RXRG: variants seen among roughly 807,000 people sequenced by gnomAD.
RXRG encodes the protein retinoid X receptor gamma.
Under a neutral mutation model 49.2 loss-of-function variants are expected in RXRG, and 19 were observed. The observed-to-expected ratio is 0.39, with a 90% CI of 0.27 to 0.57. The LOEUF is 0.57. Ranked by LOEUF, RXRG falls within the 20% of genes least tolerant of loss-of-function variation. RXRG has a pLI of 0.64. For missense variants in RXRG, 452 were observed against 592.5 expected (o/e 0.76, Z 2.46); for synonymous variants, 224 against 216.6 (o/e 1.03, Z -0.30).
At chr1:165,412,167 G>A (rs1204743577) in intron 4 of RXRG, among the ~76,000 whole-genome samples, 8 of 152,098 alleles carry the variant, frequency 5.3e-5, no homozygotes, top group East Asian at 3.9e-4. Flanking sequence ...GACTGGAATC[G>A]CAATGCCGAA....
intron 1 of RXRG, among the ~76,000 whole-genome samples, chr1:165,433,371 T>C (rs1385345082): frequency 6.6e-6 from 1 of 152,186 alleles, no homozygotes; most frequent in Non-Finnish European, 1.5e-5. Context: ...CAATTCACTC[T>C]GTGGCATGAC....
chr1:165,437,536 C>G (rs1658852667), intron 1 of RXRG, among the ~76,000 whole-genome samples: 1 of 152,118 alleles, frequency 6.6e-6, no homozygotes, highest in Non-Finnish European at 1.5e-5. Flanking sequence ...AGAAGACAAT[C>G]TATAGAGATT....
chr1:165,408,460 G>T (rs1028067165), intron 7 of RXRG, 142 bp from the exon 8 acceptor site: 7 of 635,642 alleles, frequency 1.1e-5, no homozygotes, highest in East Asian at 2.7e-5. Flanking sequence ...AAATGAAAAA[G>T]ATGCAACCCC....
chr1:165,406,650 G>T (rs535358565), intron 9 of RXRG, among the ~76,000 whole-genome samples, 162 bp downstream of exon 9: 3 of 152,310 alleles, frequency 2.0e-5, no homozygotes, highest in East Asian at 1.9e-4. Flanking sequence ...AGATAAGGCC[G>T]CTAGCCCAAT....
chr1:165,405,847 C>T (rs1214020865), intron 9 of RXRG, among the ~76,000 whole-genome samples: 1 of 152,230 alleles, frequency 6.6e-6, no homozygotes, highest in Non-Finnish European at 1.5e-5. Context: ...AATTCATCCA[C>T]AGCCTCCAAC....
chr1:165,415,124 T>C lies in RXRG; in HGVS notation c.622+1917A>G, dbSNP rs544545762. On this transcript the variant is annotated intron_variant, in intron 4 of 9. Transcript: ENST00000359842. ...GTGGCTGGTGCAATTTTAGATGATA[T>C]AACCAGGCAAGGCTTTACCAAGAAA... Among the ~76,000 whole-genome samples the C allele has an allele frequency of 2.0e-5, 3 of 152,038 alleles. No homozygotes were observed. The South Asian group carries it at 6.2e-4, about 32-fold the overall frequency.
chr1:165,404,864 T>G (rs1657695600), intron 9 of RXRG, among the ~76,000 whole-genome samples: 2 of 152,156 alleles, frequency 1.3e-5, no homozygotes, highest in Non-Finnish European at 2.9e-5. Context: ...GTTCAAGCGA[T>G]TCTCCTACCT....
chr1:165,404,421 C>T (rs1657678950), intron 9 of RXRG, among the ~76,000 whole-genome samples: 1 of 152,192 alleles, frequency 6.6e-6, no homozygotes, highest in African/African-American at 2.4e-5. Context: ...GAGTCAAGTT[C>T]CAAAGTTTTC....
intron 9 of RXRG, among the ~76,000 whole-genome samples, chr1:165,406,430 G>T (rs749756294): frequency 2.6e-5 from 4 of 152,242 alleles, no homozygotes; most frequent in Admixed American, 6.5e-5. Context: ...CACACGAACA[G>T]GGTTCACATC....
rs1280711540 is a variant in RXRG at position 165,409,702 on chromosome 1, A to C, written c.914-12T>G. On this transcript the variant is annotated splice_polypyrimidine_tract_variant and intron_variant, in intron 6 of 9. Coordinates refer to ENST00000359842, the MANE Select transcript of RXRG (RefSeq NM_006917.5). ...CAATTCATTCCACCCTGCAAGGATAAGGAGGAGGTCTTGAGGGAAAACAGA... is the reference window on the plus strand; with the variant it reads ...CAATTCATTCCACCCTGCAAGGATACGGAGGAGGTCTTGAGGGAAAACAGA... 1.3e-6 allele frequency: 2 copies of C among 1,482,202 alleles called. No homozygotes were observed. The highest frequency in any genetic ancestry group is 5.1e-5 in the East Asian group (2 of 39,442). 91.8% of individuals were successfully genotyped at this position (1,482,202 alleles called of 1,614,324 possible).
intron 9 of RXRG, among the ~76,000 whole-genome samples, chr1:165,403,659 G>A (rs1009543391): frequency 3.9e-5 from 6 of 152,216 alleles, no homozygotes; most frequent in Non-Finnish European, 7.3e-5. Flanking sequence ...TAAGGAGGCT[G>A]AACTCCCGGC....
intron 2 of RXRG, among the ~76,000 whole-genome samples, chr1:165,420,281 T>C (rs1658268651): frequency 6.6e-6 from 1 of 152,182 alleles, no homozygotes; most frequent in South Asian, 2.1e-4. Context: ...TTTTATTCAT[T>C]TTACTCATAT....
chr1:165,415,590 G>A (rs1270895255), intron 4 of RXRG, among the ~76,000 whole-genome samples: 1 of 152,154 alleles, frequency 6.6e-6, no homozygotes, highest in Non-Finnish European at 1.5e-5. Flanking sequence ...GACATGGAAA[G>A]ATTCTGGGCA....
At chr1:165,409,123 C>T (rs1401037522) in intron 7 of RXRG, among the ~76,000 whole-genome samples, 3 of 152,148 alleles carry the variant, frequency 2.0e-5, no homozygotes, top group Non-Finnish European at 4.4e-5. Flanking sequence ...ATAAACAGTC[C>T]ATCTTGCCTG....
chr1:165,437,537 T>C (rs776574950), intron 1 of RXRG, among the ~76,000 whole-genome samples: 8 of 152,146 alleles, frequency 5.3e-5, no homozygotes, highest in East Asian at 1.9e-4. Flanking sequence ...GAAGACAATC[T>C]ATAGAGATTG....
Position 165,415,774 on chromosome 1 carries a change from T to A in RXRG, c.622+1267A>T, listed in dbSNP as rs1557914932. Among the ~76,000 whole-genome samples, 5 of 152,306 alleles carry A rather than the reference T, an allele frequency of 3.3e-5. No homozygotes were observed. In the South Asian group the frequency reaches 1.0e-3, roughly 32 times the overall value. Reference sequence around the variant, plus strand: ...GGGCAGATTTTCAGGAGCTGAGATTTGGGTCTCTCACTTTTGAGGTTGCTG... The same window carrying A: ...GGGCAGATTTTCAGGAGCTGAGATTAGGGTCTCTCACTTTTGAGGTTGCTG... On this transcript the variant is annotated intron_variant, in intron 4 of 9. Coordinates refer to ENST00000359842, the MANE Select transcript of RXRG (RefSeq NM_006917.5).
In RXRG at chr1:165,417,199, C is replaced by G. The variant is rs748751592; in HGVS notation, c.464G>C (p.Ser155Thr). The G allele has an allele frequency of 6.2e-7, 1 of 1,613,536 alleles. No homozygotes were observed. Among genetic ancestry groups the G allele is most frequent in the Admixed American group, 1.7e-5 (1 of 59,990 alleles). Residue 155 changes from serine (S) to threonine (T), a missense_variant, in exon 4 of 10, where the codon AGT becomes ACT. By Grantham distance (58) the Ser-to-Thr change is moderately conservative. Coordinates refer to ENST00000359842, the MANE Select transcript of RXRG (RefSeq NM_006917.5). ...RSSGKHYGVY[S>T]CEGCKGFFKR... ...GAAGAACCCTTTGCAGCCTTCACAACTGTATACCCCGTAGTGCTTTCCTGG... is the reference window on the plus strand; with the variant it reads ...GAAGAACCCTTTGCAGCCTTCACAAGTGTATACCCCGTAGTGCTTTCCTGG...
At position 165,436,711 on chromosome 1, in the gene RXRG, T is replaced by A. The variant is rs183227455; in HGVS notation, c.50-7745A>T. 3.3e-5 allele frequency among the ~76,000 whole-genome samples: 5 copies of A among 152,318 alleles called. No homozygotes were observed. In the East Asian group the frequency reaches 9.6e-4, roughly 29 times the overall value. ...CTGGGACTTCCAACTCCTATCATTT[T>A]CAGGAGACCCTCACCCCAGGCAGTG... On this transcript the variant is annotated intron_variant, in intron 1 of 9. Transcript: ENST00000359842.
At chr1:165,425,340 G>A (rs1658450532) in intron 2 of RXRG, among the ~76,000 whole-genome samples, 1 of 152,086 alleles carries the variant, frequency 6.6e-6, no homozygotes, top group Non-Finnish European at 1.5e-5. Context: ...TATTCCTTAG[G>A]TTTTTGCCTG....
Sources: allele counts gnomAD v4.1 joint callset (sites outside exome capture counted in the v4.1 genomes callset), GRCh38; gene constraint gnomAD v4.1.1; transcripts MANE v1.5; gene names NCBI Gene and HGNC (gene_info 2026-07-23, HGNC 2026-07-21).